Variants in NUP133 observed in about 807,000 individuals in gnomAD.
The protein encoded by NUP133 is nucleoporin 133.
Under a neutral mutation model 146.2 loss-of-function variants are expected in NUP133, and 66 were observed. The observed-to-expected ratio is 0.45, with a 90% CI of 0.37 to 0.55. NUP133 has a LOEUF of 0.55. Among genes scored for constraint, NUP133 ranks in the 20% least tolerant of loss-of-function variants. NUP133 has a pLI of 0.00. For synonymous variants in NUP133, 521 were observed against 498.8 expected, an observed-to-expected ratio of 1.04 and a Z score of -0.59; for missense variants, 1,277 against 1,374.8, an observed-to-expected ratio of 0.93 and a Z score of 1.12.
Position 229,468,214 on chromosome 1 carries a change from A to C in NUP133, c.2077-1458T>G, listed in dbSNP as rs142172972. Among the ~76,000 whole-genome samples, 4 of 152,202 alleles carry C rather than the reference A, an allele frequency of 2.6e-5. No individual in the cohort carries two copies. In the East Asian group the frequency reaches 7.7e-4, roughly 29 times the overall value. ...TTTCTATCAGGGCTGCCAAGTCAAA[A>C]TATCGTTCTATATGGCCCACCAATC... On this transcript the variant is annotated intron_variant, in intron 15 of 25. Transcript: ENST00000261396.
chr1:229,446,686 A>G lies in NUP133; in HGVS notation c.3246-1684T>C, dbSNP rs1660310040. On this transcript the variant is annotated intron_variant, in intron 24 of 25. Coordinates refer to ENST00000261396, the MANE Select transcript of NUP133 (RefSeq NM_018230.3). ...GAGGTGGAGCTTGCAGTGAGCCAAGATTGTGCCACTGCACTCCAGCCTGGG... is the reference window on the plus strand; with the variant it reads ...GAGGTGGAGCTTGCAGTGAGCCAAGGTTGTGCCACTGCACTCCAGCCTGGG... Among the ~76,000 whole-genome samples the G allele has an allele frequency of 2.0e-5, 3 of 152,014 alleles. No individual in the cohort carries two copies. The South Asian group carries it at 6.2e-4, about 32-fold the overall frequency.
chr1:229,464,487 A>C, intron 18 of NUP133, 137 bp downstream of exon 18: 1 of 1,016,738 alleles, frequency 9.8e-7, no homozygotes, highest in Non-Finnish European at 1.4e-6. Context: ...AAATGAGCAC[A>C]GAAAGCTGTG....
rs143708110 is a variant in NUP133 at position 229,490,252 on chromosome 1, A to G, written c.1047-150T>C. On this transcript the variant is annotated intron_variant, in intron 8 of 25. Transcript: ENST00000261396. ...ATTTAAAAACAGAAACAGAAAACCA[A>G]TAACTGTGTTCACACAAAAACCTGT... 498 of 643,736 alleles carry G rather than the reference A, an allele frequency of 7.7e-4. 3 individuals are homozygous for G. The African/African-American group carries it at 8.2e-3, about 11-fold the overall frequency. 39.9% of individuals were successfully genotyped at this position (643,736 alleles called of 1,614,324 possible).
chr1:229,476,183 G>A (rs1176470288), intron 13 of NUP133, among the ~76,000 whole-genome samples: 4 of 151,494 alleles, frequency 2.6e-5, no homozygotes, highest in African/African-American at 4.9e-5. Flanking sequence ...TGTTTATAAC[G>A]TTACTCAGGA....
chr1:229,442,718 T>A (rs1024172064), intron 25 of NUP133, among the ~76,000 whole-genome samples: 1 of 150,184 alleles, frequency 6.7e-6, no homozygotes, highest in African/African-American at 2.4e-5. Context: ...TTGGTTCTTT[T>A]TTTTTTTTTT....
chr1:229,476,958 AT>A (rs1296520683), intron 13 of NUP133, among the ~76,000 whole-genome samples: 2 of 147,592 alleles, frequency 1.4e-5, no homozygotes, highest in Non-Finnish European at 3.0e-5. Flanking sequence ...AAAAACTGGG[AT>A]TGGGGGGCAG....
At chr1:229,479,484 T>C (rs933312997) in intron 12 of NUP133, among the ~76,000 whole-genome samples, 9 of 152,208 alleles carry the variant, frequency 5.9e-5, no homozygotes, top group African/African-American at 2.4e-5. Context: ...ATATATATGA[T>C]TCAGTACTAT....
Position 229,464,886 on chromosome 1 carries a change from A to G in NUP133, c.2300-11T>C. On this transcript the variant is annotated splice_polypyrimidine_tract_variant and intron_variant, in intron 17 of 25. Coordinates refer to ENST00000261396, the MANE Select transcript of NUP133 (RefSeq NM_018230.3). ...CAGGACCACTTGTTGCTGTGAAATT[A>G]CACAAAATAATATGGTTAAAGTAAG... 6.2e-7 allele frequency: 1 copy of G among 1,613,458 alleles called. No individual in the cohort carries two copies. Among genetic ancestry groups the G allele is most frequent in the Non-Finnish European group, 8.5e-7 (1 of 1,179,398 alleles).
intron 12 of NUP133, among the ~76,000 whole-genome samples, chr1:229,483,441 G>A (rs1297636001): frequency 6.6e-6 from 1 of 152,028 alleles, no homozygotes; most frequent in Non-Finnish European, 1.5e-5. Flanking sequence ...GCATGCGGCT[G>A]GAAGTGGTGG....
At chr1:229,498,035 A>C in intron 6 of NUP133, 101 bp downstream of exon 6, 5 of 742,128 alleles carry the variant, frequency 6.7e-6, no homozygotes, top group Non-Finnish European at 1.0e-5. Context: ...ATTTCGCATA[A>C]GCTACTGTCC....
chr1:229,484,507 T>C (rs527309550), intron 11 of NUP133, among the ~76,000 whole-genome samples: 4 of 152,208 alleles, frequency 2.6e-5, no homozygotes, highest in East Asian at 1.9e-4. Context: ...CATATACTTA[T>C]TGAAACACTA....
rs748634575 is a variant in NUP133 at position 229,441,419 on chromosome 1, A to C, written c.*485T>G. 33 of 532,490 alleles carry C rather than the reference A, an allele frequency of 6.2e-5. No homozygotes were observed. The highest frequency in any genetic ancestry group is 1.2e-4 in the Non-Finnish European group (32 of 259,676). The allele number at this position is 532,490 out of a possible 1,614,324, so 33.0% of individuals were successfully genotyped here. On this transcript the variant is annotated 3_prime_UTR_variant, in exon 26 of 26. Coordinates refer to ENST00000261396, the MANE Select transcript of NUP133 (RefSeq NM_018230.3). The stretch of plus-strand genomic sequence containing the variant: ...TCCTTTGGTTTTTCATCTCATAATA[A>C]GTCAGCAAAAGTTGACATTTATCTT...
chr1:229,449,848 A>C (rs1660400613), intron 23 of NUP133, among the ~76,000 whole-genome samples: 1 of 96,616 alleles, frequency 1.0e-5, no homozygotes, highest in South Asian at 3.3e-4. Context: ...TACTATGAAG[A>C]TTTTATATAT....
chr1:229,461,064 T>G (rs1365188461), intron 19 of NUP133, among the ~76,000 whole-genome samples: 1 of 152,122 alleles, frequency 6.6e-6, no homozygotes, highest in Admixed American at 6.6e-5. Flanking sequence ...AATAAAAAAT[T>G]AGCTTGAAAT....
At chr1:229,477,976 A>G (rs1049865633) in intron 12 of NUP133, among the ~76,000 whole-genome samples, 2 of 152,302 alleles carry the variant, frequency 1.3e-5, no homozygotes, top group Non-Finnish European at 1.5e-5. Context: ...TTTAGTGTAC[A>G]TTTTAAAGTA....
intron 1 of NUP133, among the ~76,000 whole-genome samples, chr1:229,506,993 G>T (rs6661924): frequency 0.22 from 33,038 of 151,974 alleles, 3,807 homozygotes; most frequent in Middle Eastern, 0.27. Context: ...ATAAAAGGTA[G>T]TCTATGTCTT....
chr1:229,478,370 A>G (rs967200014), intron 12 of NUP133, among the ~76,000 whole-genome samples: 6 of 152,136 alleles, frequency 3.9e-5, no homozygotes, highest in African/African-American at 1.4e-4. Context: ...TTGAGCAAGC[A>G]ATGACACAGG....
intron 19 of NUP133, among the ~76,000 whole-genome samples, chr1:229,461,233 C>G (rs971394199): frequency 1.3e-5 from 2 of 152,010 alleles, no homozygotes; most frequent in African/African-American, 2.4e-5. Flanking sequence ...GAATTCTGCG[C>G]CAGCTGGCCA....
intron 14 of NUP133, among the ~76,000 whole-genome samples, chr1:229,473,620 T>A (rs563903129): frequency 6.6e-6 from 1 of 152,294 alleles, no homozygotes; most frequent in South Asian, 2.1e-4. Context: ...TTTGCCACTC[T>A]TCCCATCGAG....
Sources: allele counts gnomAD v4.1 joint callset (sites outside exome capture counted in the v4.1 genomes callset), GRCh38; gene constraint gnomAD v4.1.1; transcripts MANE v1.5; gene names NCBI Gene and HGNC (gene_info 2026-07-23, HGNC 2026-07-21).